The following CLVS1 variants were observed in gnomAD, a reference collection of about 807,000 sequenced individuals.
CLVS1 encodes the protein clavesin 1.
In CLVS1, 10 loss-of-function variants were observed where a neutral mutation model predicts 33.1. The ratio of observed to expected loss-of-function variants is 0.30; its 90% CI spans 0.19 to 0.51. The LOEUF is 0.51. Ranked by LOEUF, CLVS1 falls within the 20% of genes least tolerant of loss-of-function variation. The probability of loss-of-function intolerance (pLI) is 0.97; values close to 1 mark genes in which losing one functional copy is unlikely to be tolerated. For synonymous variants in CLVS1, 163 were observed against 166.1 expected (o/e 0.98, Z 0.14); for missense variants, 343 against 433.4 (o/e 0.79, Z 1.85).
At chr8:61,022,737 G>A in the CLVS1 span, among the ~76,000 whole-genome samples, 1 of 152,222 alleles carries the variant, frequency 6.6e-6, no homozygotes, top group African/African-American at 2.4e-5. Context: ...CCCTTCCAAA[G>A]TGCTAAAGAG....
At chr8:61,062,148 A>T (rs1216125301) in intron 1 of CLVS1, among the ~76,000 whole-genome samples, 8 of 151,988 alleles carry the variant, frequency 5.3e-5, no homozygotes, top group Admixed American at 5.2e-4. Context: ...TCAAAACTCC[A>T]CCCCTGGGAT....
intron 2 of CLVS1, among the ~76,000 whole-genome samples, chr8:61,235,880 T>C (rs2931351): frequency 0.62 from 94,161 of 152,066 alleles, 31,272 homozygotes; most frequent in East Asian, 0.96. Context: ...TTATTAGTCC[T>C]CATCTCCAAG....
intron 1 of CLVS1, among the ~76,000 whole-genome samples, chr8:61,069,447 C>A (rs991459690): frequency 6.6e-6 from 1 of 152,016 alleles, no homozygotes; most frequent in Non-Finnish European, 1.5e-5. Flanking sequence ...TCCCTTCCTT[C>A]CTTTTGAAAG....
At chr8:61,208,308 C>T (rs114224084) in intron 2 of CLVS1, among the ~76,000 whole-genome samples, 184 of 152,296 alleles carry the variant, frequency 1.2e-3, no homozygotes, top group African/African-American at 4.1e-3. Context: ...CCCTATCTTT[C>T]ATAGACTTTG....
chr8:61,132,583 G>A (rs1187867650), intron 2 of CLVS1, among the ~76,000 whole-genome samples: 1 of 152,220 alleles, frequency 6.6e-6, no homozygotes, highest in Non-Finnish European at 1.5e-5. Context: ...CATCACAGAT[G>A]TCAGCATCTG....
At chr8:61,354,085 A>C (rs914563330) in intron 2 of CLVS1, among the ~76,000 whole-genome samples, 4 of 152,072 alleles carry the variant, frequency 2.6e-5, no homozygotes, top group African/African-American at 9.7e-5. Flanking sequence ...AATTCGTTGA[A>C]TTCATAAATT....
chr8:61,145,924 T>G (rs1390109291), intron 2 of CLVS1, among the ~76,000 whole-genome samples: 1 of 152,218 alleles, frequency 6.6e-6, no homozygotes, highest in Non-Finnish European at 1.5e-5. Flanking sequence ...CACAGAAAGA[T>G]TAAGTAATCA....
chr8:61,431,123 GA>G (rs1479891105), intron 3 of CLVS1, among the ~76,000 whole-genome samples: 1 of 152,170 alleles, frequency 6.6e-6, no homozygotes, highest in Non-Finnish European at 1.5e-5. Flanking sequence ...TCTGATACCT[GA>G]AATACATTCT....
At chr8:61,304,823 G>C (rs1287346564) in intron 2 of CLVS1, among the ~76,000 whole-genome samples, 1 of 152,134 alleles carries the variant, frequency 6.6e-6, no homozygotes, top group Admixed American at 6.6e-5. Flanking sequence ...GGAAAAAAAG[G>C]TTAAAATTGG....
chr8:61,011,566 A>G, the CLVS1 span, among the ~76,000 whole-genome samples: 3 of 152,086 alleles, frequency 2.0e-5, no homozygotes, highest in African/African-American at 2.4e-5. Flanking sequence ...CCCCTGCCTC[A>G]GCCTCTCGAA....
the CLVS1 span, among the ~76,000 whole-genome samples, chr8:60,978,330 A>G: frequency 2.0e-5 from 3 of 152,236 alleles, no homozygotes; most frequent in Non-Finnish European, 4.4e-5. Context: ...AAATGCATAA[A>G]ACAATGATTA....
At chr8:61,112,179 T>TACACAC (rs749547863) in intron 1 of CLVS1, among the ~76,000 whole-genome samples, 32 of 89,104 alleles carry the variant, frequency 3.6e-4, no homozygotes, top group Non-Finnish European at 5.2e-4. Flanking sequence ...TTCTCCGTGC[T>TACACAC]ACACACACAC....
intron 3 of CLVS1, among the ~76,000 whole-genome samples, chr8:61,392,973 T>A (rs1260367755): frequency 6.6e-6 from 1 of 152,096 alleles, no homozygotes. Context: ...AACCTCCGCC[T>A]CCTGGGTTCA....
At chr8:61,108,766 A>G (rs1013464028) in intron 1 of CLVS1, among the ~76,000 whole-genome samples, 3 of 152,232 alleles carry the variant, frequency 2.0e-5, no homozygotes, top group African/African-American at 7.2e-5. Flanking sequence ...TACAAAGCTT[A>G]GCCCTAAGTC....
chr8:61,276,091 A>T (rs551726748), intron 2 of CLVS1, among the ~76,000 whole-genome samples: 1 of 152,226 alleles, frequency 6.6e-6, no homozygotes, highest in Non-Finnish European at 1.5e-5. Flanking sequence ...CTGAACATCC[A>T]TTAAGAAACC....
At chr8:61,408,618 TAAATC>T (rs1469996827) in intron 3 of CLVS1, among the ~76,000 whole-genome samples, 4 of 152,316 alleles carry the variant, frequency 2.6e-5, no homozygotes, top group Admixed American at 1.3e-4. Context: ...GAAGCAGTAT[TAAATC>T]AAACAATTTA....
At chr8:60,977,254 T>G in the CLVS1 span, among the ~76,000 whole-genome samples, 1 of 152,206 alleles carries the variant, frequency 6.6e-6, no homozygotes. Flanking sequence ...ACTCAAAATA[T>G]TCAGTTGCTA....
chr8:61,479,280 CT>C (rs989245231), intron 5 of CLVS1, among the ~76,000 whole-genome samples: 8 of 152,032 alleles, frequency 5.3e-5, no homozygotes, highest in Non-Finnish European at 1.2e-4. Flanking sequence ...TTGTTCATTT[CT>C]TTTTTTATTC....
chr8:61,107,920 T>G (rs183720857), intron 1 of CLVS1, among the ~76,000 whole-genome samples: 191 of 152,310 alleles, frequency 1.3e-3, no homozygotes, highest in Admixed American at 4.3e-3. Context: ...CAACAAATAT[T>G]TATTGAGTGT....
Sources: allele counts gnomAD v4.1 joint callset (sites outside exome capture counted in the v4.1 genomes callset), GRCh38; gene constraint gnomAD v4.1.1; transcripts MANE v1.5; gene names NCBI Gene and HGNC (gene_info 2026-07-23, HGNC 2026-07-21).